The following ANP32E variants were observed in gnomAD, a reference collection of about 807,000 sequenced individuals.
The protein encoded by ANP32E is acidic leucine-rich nuclear phosphoprotein 32 family member E.
A neutral mutation model predicts 35.3 loss-of-function variants in ANP32E; 14 were observed. That is an observed-to-expected ratio of 0.40 (90% CI 0.26 to 0.62). The LOEUF (loss-of-function observed/expected upper bound fraction) is 0.62. Among genes scored for constraint, ANP32E ranks in the 20% least tolerant of loss-of-function variants. The pLI is 0.45. For missense variants in ANP32E, 198 were observed against 304.4 expected, an observed-to-expected ratio of 0.65 and a Z score of 2.60; for synonymous variants, 89 against 110.4, an observed-to-expected ratio of 0.81 and a Z score of 1.22.
intron 4 of ANP32E, among the ~76,000 whole-genome samples, chr1:150,227,969 A>G (rs1000646120): frequency 8.6e-5 from 13 of 151,412 alleles, no homozygotes; most frequent in Non-Finnish European, 1.9e-4. Flanking sequence ...ACCCATAGGC[A>G]GTCACTCTCC....
chr1:150,232,114 G>A (rs1236310620), intron 1 of ANP32E, among the ~76,000 whole-genome samples, 188 bp from the exon 2 acceptor site: 2 of 151,904 alleles, frequency 1.3e-5, no homozygotes, highest in Non-Finnish European at 2.9e-5. Flanking sequence ...GGAGGCCGAG[G>A]CGGGCGGATC....
chr1:150,234,964 GT>G (rs1409312803), intron 1 of ANP32E, among the ~76,000 whole-genome samples: 2 of 152,242 alleles, frequency 1.3e-5, no homozygotes, highest in Non-Finnish European at 2.9e-5. Context: ...GTTGAGTTTT[GT>G]GAAACCGTCT....
intron 5 of ANP32E, among the ~76,000 whole-genome samples, chr1:150,223,821 C>T (rs587712168): frequency 5.9e-5 from 9 of 151,354 alleles, no homozygotes; most frequent in Admixed American, 2.0e-4. Flanking sequence ...TCTCGGCTCA[C>T]CGCAAACTCC....
chr1:150,232,195 T>A (rs1486422370), intron 1 of ANP32E, among the ~76,000 whole-genome samples: 1 of 150,350 alleles, frequency 6.7e-6, no homozygotes. Context: ...ATACAAAAAA[T>A]TAGCCGGGCG....
Position 150,235,480 on chromosome 1 carries a change from A to C in ANP32E, c.54+253T>G, listed in dbSNP as rs996696764. 2.0e-5 allele frequency among the ~76,000 whole-genome samples: 3 copies of C among 152,200 alleles called. No homozygotes were observed. Among genetic ancestry groups the C allele is most frequent in the African/African-American group, 7.2e-5 (3 of 41,450 alleles). On this transcript the variant is annotated intron_variant, in intron 1 of 6. Coordinates refer to ENST00000583931, the MANE Select transcript of ANP32E (RefSeq NM_030920.5). This position sits in a 1 kb window ranked among gnomAD's most constrained non-coding sequence, Gnocchi z 4.2. ...CGCCCCCACGAGGTCAGGACGCCCG[A>C]CTCGATGAAAGCCGAAAGGAGCTAA...
intron 6 of ANP32E, among the ~76,000 whole-genome samples, chr1:150,221,618 G>GAAGGAAGGAAGGAAGGAAGGAAGGAAGC (rs1648415864): frequency 6.7e-6 from 1 of 149,334 alleles, no homozygotes; most frequent in African/African-American, 2.5e-5. Context: ...AGGAAGGAAG[G>GAAGGAAGGAAGGAAGGAAGGAAGGAAGC]AAGGAAGGAA....
chr1:150,220,473 A>G lies in ANP32E; in HGVS notation c.*218T>C. On this transcript the variant is annotated 3_prime_UTR_variant, in exon 7 of 7. Coordinates refer to ENST00000583931, the MANE Select transcript of ANP32E (RefSeq NM_030920.5). ...TCTAAATAAATTGCTAGGGAATTCC[A>G]CAATGGGAGTCAATGAAAATTTTTC... 5 of 473,310 alleles carry G rather than the reference A, an allele frequency of 1.1e-5. No homozygotes were observed. In the South Asian group the frequency reaches 1.4e-4, roughly 13 times the overall value. 29.3% of individuals were successfully genotyped at this position (473,310 alleles called of 1,614,324 possible). A position where few individuals can be genotyped will look rare whatever the true frequency, so the allele number is the denominator to read the frequency against.
chr1:150,231,996 G>T, intron 1 of ANP32E, 70 bp from the exon 2 acceptor site: 3 of 1,442,788 alleles, frequency 2.1e-6, no homozygotes, highest in South Asian at 1.3e-5. Context: ...CCTGGGTCTT[G>T]ACACTCTGGA....
chr1:150,228,292 C>T (rs781933414), intron 4 of ANP32E, among the ~76,000 whole-genome samples: 1 of 152,034 alleles, frequency 6.6e-6, no homozygotes, highest in Non-Finnish European at 1.5e-5. Context: ...TCTTCTTTCA[C>T]GTAGAAGAAC....
Position 150,219,626 on chromosome 1 carries a change from C to G in ANP32E, c.*1065G>C, listed in dbSNP as rs1365316984. ...TTCCGACTTTTGAGGAACACTAACA[C>G]TGCTTCCAAAAGCACCCCTGCTTTT... On this transcript the variant is annotated 3_prime_UTR_variant, in exon 7 of 7. Transcript: ENST00000583931. 6.6e-6 allele frequency: 1 copy of G among 152,158 alleles called. No individual in the cohort carries two copies. The highest frequency in any genetic ancestry group is 6.6e-5 in the Admixed American group (1 of 15,262). 9.4% of individuals were successfully genotyped at this position (152,158 alleles called of 1,614,324 possible).
intron 5 of ANP32E, 46 bp from the exon 6 acceptor site, chr1:150,223,286 T>C (rs1559995952): frequency 6.6e-7 from 1 of 1,515,192 alleles, no homozygotes; most frequent in Non-Finnish European, 9.0e-7. Context: ...ATCCATATGA[T>C]TTTTCACTCT....
intron 1 of ANP32E, chr1:150,234,693 G>A (rs1034783233): frequency 2.5e-4 from 248 of 985,136 alleles, no homozygotes; most frequent in Non-Finnish European, 2.8e-4. Flanking sequence ...AACCCCACAC[G>A]GGGCGGGGAC....
At chr1:150,234,682 AAACCCCACACGGGG>A in intron 1 of ANP32E, 2 of 985,544 alleles carry the variant, frequency 2.0e-6, no homozygotes, top group Non-Finnish European at 2.4e-6. Flanking sequence ...GACTGACGGG[AAACCCCACACGGGG>A]CGGGGACTCC....
chr1:150,236,109 G>A lies in ANP32E; in HGVS notation c.-323C>T. Reference sequence around the variant, plus strand: ...CCTTCCCCTTCAATGGCTGCTCAGAGACTGAGCCTCCATGACACGGCACCG... The same window carrying A: ...CCTTCCCCTTCAATGGCTGCTCAGAAACTGAGCCTCCATGACACGGCACCG... On this transcript the variant is annotated 5_prime_UTR_variant, in exon 1 of 7. Coordinates refer to ENST00000583931, the MANE Select transcript of ANP32E (RefSeq NM_030920.5). 1 of 267,806 alleles carries A rather than the reference G, an allele frequency of 3.7e-6. No individual in the cohort carries two copies. The highest frequency in any genetic ancestry group is 5.1e-5 in the South Asian group (1 of 19,482). 16.6% of individuals were successfully genotyped at this position (267,806 alleles called of 1,614,324 possible).
chr1:150,220,591 C>A lies in ANP32E; in HGVS notation c.*100G>T. 9.0e-7 allele frequency: 1 copy of A among 1,114,448 alleles called. No individual in the cohort carries two copies. Among genetic ancestry groups the A allele is most frequent in the Non-Finnish European group, 1.3e-6 (1 of 757,776 alleles). The allele number at this position is 1,114,448 out of a possible 1,614,324, so 69.0% of individuals were successfully genotyped here. ...CACACTTTTCCTATAAAAAGTTACA[C>A]ATTATCTTCTGTAGGGATAGCTATC... On this transcript the variant is annotated 3_prime_UTR_variant, in exon 7 of 7. Coordinates refer to ENST00000583931, the MANE Select transcript of ANP32E (RefSeq NM_030920.5).
At chr1:150,223,408 C>G in intron 5 of ANP32E, 168 bp from the exon 6 acceptor site, 1 of 818,120 alleles carries the variant, frequency 1.2e-6, no homozygotes, top group Non-Finnish European at 1.8e-6. Flanking sequence ...GGGCCGGGCG[C>G]GGTGGCTCAC....
Position 150,220,141 on chromosome 1 carries a change from C to T in ANP32E, c.*550G>A, listed in dbSNP as rs1322538586. The T allele has an allele frequency of 7.1e-6, 1 of 140,702 alleles. No homozygotes were observed. The allele number at this position is 140,702 out of a possible 1,614,324, so 8.7% of individuals were successfully genotyped here. On this transcript the variant is annotated 3_prime_UTR_variant, in exon 7 of 7. Coordinates refer to ENST00000583931, the MANE Select transcript of ANP32E (RefSeq NM_030920.5). ...CCATGAACTATGTTGCTGAATAGAA[C>T]CTTTACTATTCTGCTTCTATTTTCC...
chr1:150,229,035 TA>T (rs1553840892), intron 4 of ANP32E, 36 bp downstream of exon 4: 13 of 1,582,416 alleles, frequency 8.2e-6, no homozygotes, highest in Non-Finnish European at 1.1e-5. Context: ...GCAGAGGCTA[TA>T]ATTATGACAC....
At chr1:150,232,680 C>T (rs587654231) in intron 1 of ANP32E, among the ~76,000 whole-genome samples, 2 of 151,880 alleles carry the variant, frequency 1.3e-5, no homozygotes, top group African/African-American at 2.4e-5. Context: ...GCCATGTTGG[C>T]CAGGCTAGTC....
Sources: allele counts gnomAD v4.1 joint callset (sites outside exome capture counted in the v4.1 genomes callset), GRCh38; gene constraint gnomAD v4.1.1; non-coding constraint Gnocchi (gnomAD v3.1); transcripts MANE v1.5; gene names NCBI Gene and HGNC (gene_info 2026-07-23, HGNC 2026-07-21).